WWOX: variants seen among roughly 807,000 people sequenced by gnomAD.
WWOX encodes the protein WW domain containing oxidoreductase.
In WWOX, 69 loss-of-function variants were observed where a neutral mutation model predicts 46.2. The ratio of observed to expected loss-of-function variants is 1.49; its 90% CI spans 1.23 to 1.82. The LOEUF is 1.82. WWOX is among the 40% of genes most tolerant of loss of function. The pLI, the probability that WWOX is intolerant of heterozygous loss-of-function variation, is 0.00. For missense variants in WWOX, 919 were observed against 542.6 expected, an observed-to-expected ratio of 1.69 and a Z score of -6.89; for synonymous variants, 359 against 202.6, an observed-to-expected ratio of 1.77 and a Z score of -6.56.
chr16:79,211,253 G>A (rs939886705), intron 8 of WWOX, among the ~76,000 whole-genome samples: 1 of 152,034 alleles, frequency 6.6e-6, no homozygotes, highest in Admixed American at 6.6e-5. Context: ...GAAGTTGAGG[G>A]GTTGGATGAA....
chr16:79,125,243 T>C (rs2049726425), intron 8 of WWOX, among the ~76,000 whole-genome samples: 1 of 152,188 alleles, frequency 6.6e-6, no homozygotes, highest in South Asian at 2.1e-4. Flanking sequence ...AAGAATTCGA[T>C]TGGCATTTCC....
At position 78,437,899 on chromosome 16, in the gene WWOX, A is replaced by C. The variant is rs371796537; in HGVS notation, c.1056+5147A>C. Among the ~76,000 whole-genome samples the C allele has an allele frequency of 3.0e-4, 45 of 152,330 alleles. No homozygotes were observed. In the East Asian group the frequency reaches 3.5e-3, roughly 12 times the overall value. On this transcript the variant is annotated intron_variant, in intron 8 of 8. Coordinates refer to ENST00000566780, the MANE Select transcript of WWOX (RefSeq NM_016373.4). ...AAAATGTTTTGCACCTGCACGCATTAATGTGTATTGTTTGGTAAGAACTTT... is the reference window on the plus strand; with the variant it reads ...AAAATGTTTTGCACCTGCACGCATTCATGTGTATTGTTTGGTAAGAACTTT...
intron 8 of WWOX, among the ~76,000 whole-genome samples, chr16:78,826,826 C>G (rs534812198): frequency 6.6e-6 from 1 of 152,176 alleles, no homozygotes; most frequent in Admixed American, 6.5e-5. Flanking sequence ...ACCCCTCTCA[C>G]CAGCTGTGTG....
intron 5 of WWOX, among the ~76,000 whole-genome samples, chr16:78,204,212 C>G (rs555502852): frequency 1.2e-3 from 186 of 152,198 alleles, no homozygotes; most frequent in Non-Finnish European, 1.5e-3. Flanking sequence ...TGTGGGCAGA[C>G]CCTCCAGCCT....
intron 8 of WWOX, among the ~76,000 whole-genome samples, chr16:78,874,028 G>A (rs188695158): frequency 2.4e-3 from 366 of 152,044 alleles, no homozygotes; most frequent in Non-Finnish European, 4.1e-3. Flanking sequence ...TTGGGAGGCC[G>A]GGGTGGGCGG....
At chr16:78,555,222 T>C (rs984856340) in intron 8 of WWOX, among the ~76,000 whole-genome samples, 1 of 148,416 alleles carries the variant, frequency 6.7e-6, no homozygotes, top group African/African-American at 2.5e-5. Flanking sequence ...ATTGGAGGCA[T>C]GTGTATATTT....
chr16:78,588,673 G>C (rs147549477), intron 8 of WWOX, among the ~76,000 whole-genome samples: 294 of 152,272 alleles, frequency 1.9e-3, no homozygotes, highest in African/African-American at 6.6e-3. Flanking sequence ...TTCCTGCTGA[G>C]GTGTCCTAGG....
chr16:78,627,246 A>G (rs1000143119), intron 8 of WWOX, among the ~76,000 whole-genome samples: 7 of 152,102 alleles, frequency 4.6e-5, no homozygotes, highest in South Asian at 2.1e-4. Context: ...GTTTGCTACC[A>G]TACCTCCCCA....
At chr16:78,768,757 C>T (rs900532547) in intron 8 of WWOX, among the ~76,000 whole-genome samples, 1 of 152,112 alleles carries the variant, frequency 6.6e-6, no homozygotes, top group East Asian at 1.9e-4. Context: ...GTGAAATGCT[C>T]ATTTCACAGC....
In WWOX at chr16:78,333,043, C is replaced by CTTTTTTTTTTTTTTTTTTTTTTTTTTTTT. The variant is rs11289222; in HGVS notation, c.517-53793_517-53792insTTTTTTTTTTTTTTTTTTTTTTTTTTTTT. On this transcript the variant is annotated intron_variant, in intron 5 of 8. Coordinates refer to ENST00000566780, the MANE Select transcript of WWOX (RefSeq NM_016373.4). ...CTGAGTAGCATGGAAGAGCATTATA[C>CTTTTTTTTTTTTTTTTTTTTTTTTTTTTT]TTTTTTTTTTTTTTTTTTTTTTTTG... Among the ~76,000 whole-genome samples the CTTTTTTTTTTTTTTTTTTTTTTTTTTTTT allele has an allele frequency of 3.5e-4, 20 of 57,124 alleles. 4 individuals are homozygous for CTTTTTTTTTTTTTTTTTTTTTTTTTTTTT. The highest frequency in any genetic ancestry group is 6.1e-4 in the Non-Finnish European group (16 of 26,262). 37.5% of individuals were successfully genotyped at this position (57,124 alleles called of 152,430 possible).
chr16:79,118,494 G>C (rs7203414), intron 8 of WWOX, among the ~76,000 whole-genome samples: 3,372 of 152,254 alleles, frequency 0.022, 54 homozygotes, highest in East Asian at 0.044. Flanking sequence ...GGTACCATTG[G>C]AAAAATGGTG....
chr16:78,528,614 A>T (rs563616801), intron 8 of WWOX, among the ~76,000 whole-genome samples: 1 of 152,154 alleles, frequency 6.6e-6, no homozygotes, highest in African/African-American at 2.4e-5. Context: ...CAGTAAACCC[A>T]TTTATCTCAG....
At chr16:78,726,996 A>G (rs1312019839) in intron 8 of WWOX, among the ~76,000 whole-genome samples, 1 of 152,058 alleles carries the variant, frequency 6.6e-6, no homozygotes, top group Admixed American at 6.5e-5. Context: ...CTTTTTCCTG[A>G]GAGCAGCCCT....
At chr16:78,488,673 G>C (rs2084701066) in intron 8 of WWOX, among the ~76,000 whole-genome samples, 1 of 152,176 alleles carries the variant, frequency 6.6e-6, no homozygotes, top group Non-Finnish European at 1.5e-5. Flanking sequence ...GGCTGTAGGG[G>C]AGGGGAGGTA....
intron 8 of WWOX, among the ~76,000 whole-genome samples, chr16:79,026,704 G>A (rs983765728): frequency 2.2e-5 from 3 of 134,212 alleles, no homozygotes; most frequent in South Asian, 2.5e-4. Flanking sequence ...TGCAACCTCC[G>A]CCTCCCGGGT....
chr16:79,160,665 C>T (rs910865728), intron 8 of WWOX, among the ~76,000 whole-genome samples: 5 of 152,142 alleles, frequency 3.3e-5, no homozygotes, highest in African/African-American at 1.2e-4. Flanking sequence ...ACTCGGCTCA[C>T]TGATCACGTC....
At chr16:78,620,479 G>A (rs780284688) in intron 8 of WWOX, among the ~76,000 whole-genome samples, 4 of 152,166 alleles carry the variant, frequency 2.6e-5, no homozygotes, top group Non-Finnish European at 4.4e-5. Flanking sequence ...GAAGATAGCT[G>A]TATCATTGGC....
At chr16:78,967,371 C>T (rs2046381673) in intron 8 of WWOX, among the ~76,000 whole-genome samples, 1 of 146,742 alleles carries the variant, frequency 6.8e-6, no homozygotes. Flanking sequence ...CTCACTGCAG[C>T]CTCCCGGGCT....
chr16:78,738,348 G>C (rs369035595), intron 8 of WWOX, among the ~76,000 whole-genome samples: 1 of 152,094 alleles, frequency 6.6e-6, no homozygotes, highest in Non-Finnish European at 1.5e-5. Context: ...GTAATAATTA[G>C]GCATAAAATC....
Sources: allele counts gnomAD v4.1 joint callset (sites outside exome capture counted in the v4.1 genomes callset), GRCh38; gene constraint gnomAD v4.1.1; transcripts MANE v1.5; gene names NCBI Gene and HGNC (gene_info 2026-07-23, HGNC 2026-07-21).